The following NR3C2 variants were observed in gnomAD, a reference collection of about 807,000 sequenced individuals.
NR3C2 encodes the protein nuclear receptor subfamily 3 group C member 2.
NR3C2 carries 15 observed loss-of-function variants against 86.4 expected under a neutral mutation model. The observed-to-expected ratio is 0.17, with a 90% CI of 0.12 to 0.27. NR3C2 has a LOEUF of 0.27. Ranked by LOEUF, NR3C2 falls within the 10% of genes least tolerant of loss-of-function variation. The pLI is 1.00. For missense variants in NR3C2, 960 were observed against 1,195.6 expected (o/e 0.80, Z 2.91); for synonymous variants, 458 against 450.5 (o/e 1.02, Z -0.21).
chr4:148,166,709 C>T (rs1039540032), intron 4 of NR3C2, among the ~76,000 whole-genome samples: 2 of 151,650 alleles, frequency 1.3e-5, no homozygotes, highest in African/African-American at 4.9e-5. Context: ...GAAAGTTTAA[C>T]GTTAAAGGTT....
intron 2 of NR3C2, among the ~76,000 whole-genome samples, chr4:148,419,528 G>A (rs1049830626): frequency 2.6e-5 from 4 of 152,254 alleles, no homozygotes; most frequent in East Asian, 3.9e-4. Context: ...TACTTCTTAC[G>A]TACTCTTAGG....
intron 8 of NR3C2, among the ~76,000 whole-genome samples, chr4:148,082,170 G>C (rs1290802779): frequency 6.6e-6 from 1 of 152,180 alleles, no homozygotes; most frequent in Non-Finnish European, 1.5e-5. Flanking sequence ...AAGTTCTGGG[G>C]TGTCCCCCTA....
intron 2 of NR3C2, among the ~76,000 whole-genome samples, chr4:148,272,612 T>C (rs565754744): frequency 4.6e-4 from 70 of 152,330 alleles, no homozygotes; most frequent in Non-Finnish European, 7.8e-4. Flanking sequence ...TTAAGTATTT[T>C]CCAAGGTTAC....
intron 4 of NR3C2, among the ~76,000 whole-genome samples, chr4:148,189,148 T>C (rs1012791312): frequency 9.2e-5 from 14 of 152,068 alleles, no homozygotes; most frequent in African/African-American, 3.1e-4. Flanking sequence ...AGGCTGCTCT[T>C]GAGCTCCTAA....
chr4:148,206,616 A>C (rs140041535), intron 3 of NR3C2, among the ~76,000 whole-genome samples: 1 of 152,350 alleles, frequency 6.6e-6, no homozygotes, highest in African/African-American at 2.4e-5. Context: ...TAAAATCTGC[A>C]TACGTTAGAA....
chr4:148,103,261 C>T (rs1193120558), intron 8 of NR3C2, among the ~76,000 whole-genome samples: 2 of 152,264 alleles, frequency 1.3e-5, no homozygotes, highest in African/African-American at 2.4e-5. Flanking sequence ...CCTTTCATGC[C>T]GGGTTTTCAA....
chr4:148,088,116 A>G (rs1414240678), intron 8 of NR3C2, among the ~76,000 whole-genome samples: 1 of 152,266 alleles, frequency 6.6e-6, no homozygotes, highest in Non-Finnish European at 1.5e-5. Flanking sequence ...AAAAAAGCTC[A>G]TCATCACTGG....
At chr4:148,409,286 G>A (rs1748575850) in intron 2 of NR3C2, among the ~76,000 whole-genome samples, 1 of 152,022 alleles carries the variant, frequency 6.6e-6, no homozygotes, top group Non-Finnish European at 1.5e-5. Context: ...TTATGTCTTT[G>A]ATATTGAGAT....
chr4:148,390,897 A>G (rs1747514800), intron 2 of NR3C2, among the ~76,000 whole-genome samples: 1 of 152,206 alleles, frequency 6.6e-6, no homozygotes, highest in Admixed American at 6.5e-5. Flanking sequence ...CACCACAGTA[A>G]TTTGCTATAA....
intron 8 of NR3C2, among the ~76,000 whole-genome samples, chr4:148,087,283 A>C (rs1330336470): frequency 2.0e-5 from 3 of 152,226 alleles, no homozygotes; most frequent in African/African-American, 7.2e-5. Flanking sequence ...CATGCTCATG[A>C]ATAGGAAGAA....
chr4:148,197,890 C>A (rs946087418), intron 3 of NR3C2, among the ~76,000 whole-genome samples: 1 of 152,066 alleles, frequency 6.6e-6, no homozygotes, highest in African/African-American at 2.4e-5. Flanking sequence ...CAACACACAA[C>A]CAAAATCTGT....
intron 2 of NR3C2, among the ~76,000 whole-genome samples, chr4:148,419,004 CT>C (rs1749141001): frequency 6.6e-6 from 1 of 152,160 alleles, no homozygotes; most frequent in African/African-American, 2.4e-5. Context: ...CTGCCAACAT[CT>C]ACACACTCTT....
At chr4:148,257,081 T>C (rs1356455744) in intron 3 of NR3C2, among the ~76,000 whole-genome samples, 1 of 152,192 alleles carries the variant, frequency 6.6e-6, no homozygotes, top group Non-Finnish European at 1.5e-5. Context: ...CTTCATGTTC[T>C]GTTCCTGGTG....
At chr4:148,322,039 G>A (rs1743630058) in intron 2 of NR3C2, among the ~76,000 whole-genome samples, 1 of 152,094 alleles carries the variant, frequency 6.6e-6, no homozygotes, top group African/African-American at 2.4e-5. Flanking sequence ...TCCATGTTTA[G>A]TGCTTCCTTC....
At chr4:148,260,370 T>A (rs112012300) in intron 2 of NR3C2, among the ~76,000 whole-genome samples, 4 of 152,210 alleles carry the variant, frequency 2.6e-5, no homozygotes, top group Non-Finnish European at 4.4e-5. Flanking sequence ...TCTCTTTCCT[T>A]CTTTTCCTAT....
At chr4:148,365,602 T>C (rs1165130352) in intron 2 of NR3C2, among the ~76,000 whole-genome samples, 1 of 151,392 alleles carries the variant, frequency 6.6e-6, no homozygotes, top group Non-Finnish European at 1.5e-5. Context: ...TACAGTAATA[T>C]GCTGCTTTAT....
chr4:148,319,669 A>C (rs372968874), intron 2 of NR3C2, among the ~76,000 whole-genome samples: 10 of 150,374 alleles, frequency 6.7e-5, no homozygotes, highest in Admixed American at 1.3e-4. Context: ...CATGATTTGG[A>C]TCTCTGTTTG....
At chr4:148,304,328 CTTTTT>C (rs35633620) in intron 2 of NR3C2, among the ~76,000 whole-genome samples, 5 of 83,880 alleles carry the variant, frequency 6.0e-5, no homozygotes, top group Non-Finnish European at 9.1e-5. Flanking sequence ...GTTGTTGTTG[CTTTTT>C]TTTTTTTTTT....
chr4:148,189,860 T>C (rs988348161), intron 4 of NR3C2, among the ~76,000 whole-genome samples: 3 of 152,204 alleles, frequency 2.0e-5, no homozygotes, highest in Non-Finnish European at 2.9e-5. Flanking sequence ...TGATCTTTTG[T>C]ATTTCAGTGG....
Sources: allele counts gnomAD v4.1 joint callset (sites outside exome capture counted in the v4.1 genomes callset), GRCh38; gene constraint gnomAD v4.1.1; transcripts MANE v1.5; gene names NCBI Gene and HGNC (gene_info 2026-07-23, HGNC 2026-07-21).